SUMF1: variants seen among roughly 807,000 people sequenced by gnomAD.
The protein encoded by SUMF1 is formylglycine-generating enzyme.
In SUMF1, 48 loss-of-function variants were observed where a neutral mutation model predicts 47.6. The observed-to-expected ratio is 1.01, with a 90% CI of 0.80 to 1.28. The LOEUF (loss-of-function observed/expected upper bound fraction) is 1.28, where lower values mean the gene tolerates loss of function less well. Among genes scored for constraint, SUMF1 ranks in the 50% most tolerant of loss-of-function variants. The pLI is 0.00. For synonymous variants in SUMF1, 230 were observed against 192.1 expected (o/e 1.20, Z -1.63); for missense variants, 571 against 485.4 (o/e 1.18, Z -1.66).
intron 8 of SUMF1, among the ~76,000 whole-genome samples, chr3:4,142,523 A>G (rs909359820): frequency 1.3e-5 from 2 of 152,188 alleles, no homozygotes; most frequent in Admixed American, 6.5e-5. Flanking sequence ...ATTGTAAGGT[A>G]TATGAAAGCA....
intron 8 of SUMF1, among the ~76,000 whole-genome samples, chr3:4,157,967 T>C (rs1694492328): frequency 6.6e-6 from 1 of 151,502 alleles, no homozygotes; most frequent in Non-Finnish European, 1.5e-5. Context: ...CAATATCTGG[T>C]ATGAGGAAGT....
intron 3 of SUMF1, among the ~76,000 whole-genome samples, chr3:4,421,525 G>T (rs1403702456): frequency 1.3e-5 from 2 of 152,106 alleles, no homozygotes; most frequent in African/African-American, 4.8e-5. Context: ...TGTCCCCTAG[G>T]CTGGAGAACA....
chr3:4,302,197 G>A (rs1697985309), intron 8 of SUMF1, among the ~76,000 whole-genome samples: 1 of 152,214 alleles, frequency 6.6e-6, no homozygotes, highest in Admixed American at 6.5e-5. Flanking sequence ...CAGTCCTGAT[G>A]ACATGTGCCC....
At chr3:4,316,140 C>A in intron 8 of SUMF1, 1 of 586,660 alleles carries the variant, frequency 1.7e-6, no homozygotes, top group Non-Finnish European at 3.1e-6. Context: ...TCATGTTATA[C>A]ACCATTTTAA....
intron 3 of SUMF1, among the ~76,000 whole-genome samples, chr3:4,430,590 C>T (rs1180555174): frequency 1.3e-5 from 2 of 151,230 alleles, no homozygotes; most frequent in East Asian, 1.9e-4. Context: ...GTTCATGATG[C>T]TATCTACGCA....
intron 8 of SUMF1, among the ~76,000 whole-genome samples, chr3:4,375,592 T>A (rs771557124): frequency 5.9e-5 from 9 of 152,096 alleles, no homozygotes; most frequent in Non-Finnish European, 2.9e-5. Context: ...TGGTTTTAAG[T>A]CTCTAACCAC....
chr3:4,106,068 C>G (rs1693150710), intron 8 of SUMF1, among the ~76,000 whole-genome samples: 1 of 151,724 alleles, frequency 6.6e-6, no homozygotes, highest in African/African-American at 2.4e-5. Flanking sequence ...TTATCTGTTC[C>G]TCTACCAACA....
chr3:4,293,416 GC>G, intron 8 of SUMF1, among the ~76,000 whole-genome samples: 1 of 145,278 alleles, frequency 6.9e-6, no homozygotes, highest in Non-Finnish European at 1.6e-5. Context: ...CAGGCATAGA[GC>G]AGTTTGTTGC....
At chr3:4,132,529 G>T (rs1693816931) in intron 8 of SUMF1, among the ~76,000 whole-genome samples, 1 of 152,050 alleles carries the variant, frequency 6.6e-6, no homozygotes, top group South Asian at 2.1e-4. Flanking sequence ...AGGTATCAAG[G>T]GGTGAAAGTG....
At chr3:4,165,875 C>A (rs1390554777) in intron 8 of SUMF1, among the ~76,000 whole-genome samples, 1 of 134,432 alleles carries the variant, frequency 7.4e-6, no homozygotes, top group Non-Finnish European at 1.6e-5. Context: ...CCCCCCCCCC[C>A]GAGCAAGAAC....
intron 8 of SUMF1, among the ~76,000 whole-genome samples, chr3:4,346,749 T>A (rs1440132140): frequency 6.6e-6 from 1 of 151,450 alleles, no homozygotes; most frequent in African/African-American, 2.4e-5. Flanking sequence ...CATGAGCTGG[T>A]TTTTTGAAAA....
chr3:4,460,649 CATAT>C (rs759515438), intron 1 of SUMF1, among the ~76,000 whole-genome samples: 13 of 141,982 alleles, frequency 9.2e-5, no homozygotes, highest in African/African-American at 3.1e-4. Context: ...TATATATATA[CATAT>C]ATATATATAT....
At chr3:4,105,646 C>T (rs1041288439) in intron 8 of SUMF1, among the ~76,000 whole-genome samples, 6 of 151,964 alleles carry the variant, frequency 3.9e-5, no homozygotes, top group Non-Finnish European at 8.8e-5. Context: ...GGAGTTCTTC[C>T]TGTGAATATC....
At chr3:4,196,193 C>T (rs1016582119) in intron 8 of SUMF1, among the ~76,000 whole-genome samples, 2 of 152,068 alleles carry the variant, frequency 1.3e-5, no homozygotes, top group African/African-American at 4.8e-5. Context: ...AGCTCCAGAG[C>T]CTCTGAATTC....
At chr3:4,242,801 G>A (rs186280273) in intron 8 of SUMF1, among the ~76,000 whole-genome samples, 6 of 152,298 alleles carry the variant, frequency 3.9e-5, no homozygotes, top group African/African-American at 1.2e-4. Flanking sequence ...ATGAGTTAGG[G>A]AGGATTCCCT....
intron 8 of SUMF1, among the ~76,000 whole-genome samples, chr3:4,086,430 C>G (rs117720690): frequency 6.6e-6 from 1 of 152,084 alleles, no homozygotes; most frequent in East Asian, 1.9e-4. Context: ...CAATATTGGA[C>G]AGCTGTGTAC....
At chr3:4,270,752 G>T (rs1697286768) in intron 8 of SUMF1, among the ~76,000 whole-genome samples, 1 of 152,138 alleles carries the variant, frequency 6.6e-6, no homozygotes, top group Non-Finnish European at 1.5e-5. Flanking sequence ...TCCTGGCTTT[G>T]CCAAGCAAAA....
chr3:4,390,453 T>C (rs1437392416), intron 7 of SUMF1, among the ~76,000 whole-genome samples: 3 of 152,212 alleles, frequency 2.0e-5, no homozygotes, highest in East Asian at 1.9e-4. Flanking sequence ...CTTTCTGTAT[T>C]GTTAGACTGC....
Position 4,419,037 on chromosome 3 carries a change from G to A in SUMF1, c.603-905C>T, listed in dbSNP as rs1377628247. Among the ~76,000 whole-genome samples the A allele has an allele frequency of 2.6e-5, 4 of 152,262 alleles. No homozygotes were observed. The East Asian group carries it at 7.7e-4, about 29-fold the overall frequency. The stretch of plus-strand genomic sequence containing the variant: ...CAAACATCTACTGAGTACCTATCAT[G>A]TGCCAGTCACTGTTTCCAGCACAGA... On this transcript the variant is annotated intron_variant, in intron 4 of 8. Transcript: ENST00000272902.
Sources: gnomAD v4.1 joint callset for allele counts (sites outside exome capture counted in the v4.1 genomes callset) on GRCh38, gnomAD v4.1.1 for gene constraint, MANE v1.5 for transcripts, NCBI Gene and HGNC (gene_info 2026-07-23, HGNC 2026-07-21) for gene names.